The following NKAIN2 variants were observed in gnomAD, a reference collection of about 807,000 sequenced individuals.
NKAIN2 encodes sodium/potassium-transporting ATPase subunit beta-1-interacting protein 2.
A neutral mutation model predicts 32.6 loss-of-function variants in NKAIN2; 14 were observed. The ratio of observed to expected loss-of-function variants is 0.43; its 90% CI spans 0.28 to 0.67. The LOEUF (loss-of-function observed/expected upper bound fraction) is 0.67. NKAIN2 is among the 30% of genes least tolerant of loss of function. NKAIN2 has a pLI of 0.17. For missense variants in NKAIN2, 198 were observed against 258.3 expected (o/e 0.77, Z 1.60); for synonymous variants, 80 against 87.2 (o/e 0.92, Z 0.46).
intron 3 of NKAIN2, among the ~76,000 whole-genome samples, chr6:124,464,122 G>A (rs891504304): frequency 6.6e-6 from 1 of 152,014 alleles, no homozygotes; most frequent in African/African-American, 2.4e-5. Context: ...TGAGTAGCTG[G>A]AATTACAGGC....
intron 1 of NKAIN2, among the ~76,000 whole-genome samples, chr6:124,103,435 TAG>T (rs1784980754): frequency 6.6e-6 from 1 of 152,196 alleles, no homozygotes; most frequent in Non-Finnish European, 1.5e-5. Flanking sequence ...CTGCATCTTC[TAG>T]AGTCTGTTAC....
chr6:124,812,785 G>C (rs549833323), intron 5 of NKAIN2, among the ~76,000 whole-genome samples: 1 of 151,778 alleles, frequency 6.6e-6, no homozygotes, highest in East Asian at 1.9e-4. Flanking sequence ...AAATTTCTGA[G>C]AATCAACTTT....
At chr6:124,402,719 C>T (rs1220271947) in intron 3 of NKAIN2, among the ~76,000 whole-genome samples, 2 of 152,288 alleles carry the variant, frequency 1.3e-5, no homozygotes, top group South Asian at 4.1e-4. Flanking sequence ...GCACATACTG[C>T]ATGTTCTCAC....
chr6:124,499,185 C>T (rs1430428207), intron 3 of NKAIN2, among the ~76,000 whole-genome samples: 1 of 152,082 alleles, frequency 6.6e-6, no homozygotes. Context: ...TTTTCTAATC[C>T]TAATCACAAA....
chr6:124,049,969 AC>A (rs775471201), intron 1 of NKAIN2, among the ~76,000 whole-genome samples: 13 of 152,180 alleles, frequency 8.5e-5, no homozygotes, highest in Non-Finnish European at 1.3e-4. Context: ...GTTAAAAAAA[AC>A]ATATGCCGAG....
At chr6:124,386,322 G>C (rs1772898393) in intron 3 of NKAIN2, among the ~76,000 whole-genome samples, 1 of 152,040 alleles carries the variant, frequency 6.6e-6, no homozygotes, top group East Asian at 1.9e-4. Flanking sequence ...TAGCTTTCCA[G>C]AAGGCAAAAA....
chr6:124,723,230 T>C (rs1401260886), intron 4 of NKAIN2, among the ~76,000 whole-genome samples: 1 of 152,230 alleles, frequency 6.6e-6, no homozygotes, highest in African/African-American at 2.4e-5. Context: ...AACTAGCAAC[T>C]TGTTACCTCT....
chr6:124,225,884 G>T (rs899261518), intron 1 of NKAIN2, among the ~76,000 whole-genome samples: 1 of 151,920 alleles, frequency 6.6e-6, no homozygotes, highest in African/African-American at 2.4e-5. Context: ...AGTGGCATGA[G>T]GTATATAGTA....
intron 1 of NKAIN2, among the ~76,000 whole-genome samples, chr6:124,012,556 G>A (rs187183562): frequency 8.6e-5 from 13 of 152,028 alleles, no homozygotes; most frequent in African/African-American, 2.7e-4. Context: ...GACTGGTCTC[G>A]AACTCCTGAC....
chr6:124,261,082 A>G (rs1251206897), intron 1 of NKAIN2, among the ~76,000 whole-genome samples: 2 of 152,194 alleles, frequency 1.3e-5, no homozygotes, highest in Admixed American at 6.5e-5. Context: ...ACATTTATAG[A>G]GATGGAAAAA....
At chr6:124,444,815 T>A (rs1775824497) in intron 3 of NKAIN2, among the ~76,000 whole-genome samples, 1 of 151,938 alleles carries the variant, frequency 6.6e-6, no homozygotes, top group Non-Finnish European at 1.5e-5. Context: ...TTCAAGGAGC[T>A]TTTTTGAAAT....
chr6:124,808,160 AG>A (rs557424222), intron 5 of NKAIN2, among the ~76,000 whole-genome samples: 85 of 152,178 alleles, frequency 5.6e-4, no homozygotes, highest in African/African-American at 2.0e-3. Flanking sequence ...CTGATACCAA[AG>A]CCAGGCAGAG....
intron 1 of NKAIN2, among the ~76,000 whole-genome samples, chr6:123,885,998 TA>T (rs1255205864): frequency 1.3e-5 from 2 of 148,456 alleles, no homozygotes; most frequent in East Asian, 1.9e-4. Flanking sequence ...AGAATACAAT[TA>T]AAAAAAGAGG....
chr6:124,730,158 C>G (rs1249253988), intron 4 of NKAIN2, among the ~76,000 whole-genome samples: 2 of 91,248 alleles, frequency 2.2e-5, no homozygotes, highest in African/African-American at 8.6e-5. Context: ...AGATTCAATG[C>G]CATCCCCATC....
intron 1 of NKAIN2, among the ~76,000 whole-genome samples, chr6:124,238,003 G>A (rs893898901): frequency 6.6e-6 from 1 of 152,068 alleles, no homozygotes; most frequent in African/African-American, 2.4e-5. Context: ...GAACTAACAC[G>A]ATGCAGAGAC....
At chr6:124,368,129 C>A (rs1337194842) in intron 3 of NKAIN2, among the ~76,000 whole-genome samples, 1 of 152,016 alleles carries the variant, frequency 6.6e-6, no homozygotes, top group Non-Finnish European at 1.5e-5. Flanking sequence ...AAAATGTATC[C>A]AGACATCCTC....
At chr6:124,560,395 C>T (rs1482854229) in intron 3 of NKAIN2, among the ~76,000 whole-genome samples, 1 of 152,168 alleles carries the variant, frequency 6.6e-6, no homozygotes, top group Non-Finnish European at 1.5e-5. Context: ...AACTGTGAGT[C>T]AATTAAAACT....
At chr6:124,683,363 T>A (rs1653737767) in intron 4 of NKAIN2, among the ~76,000 whole-genome samples, 1 of 152,098 alleles carries the variant, frequency 6.6e-6, no homozygotes, top group Non-Finnish European at 1.5e-5. Context: ...TTGTCAAACG[T>A]CTACGTTTAT....
intron 4 of NKAIN2, among the ~76,000 whole-genome samples, chr6:124,763,250 G>A (rs889692379): frequency 6.6e-6 from 1 of 152,220 alleles, no homozygotes; most frequent in African/African-American, 2.4e-5. Context: ...TATAATATTA[G>A]TTCTTGCACT....
Sources: gnomAD v4.1 joint callset for allele counts (sites outside exome capture counted in the v4.1 genomes callset) on GRCh38, gnomAD v4.1.1 for gene constraint, MANE v1.5 for transcripts, NCBI Gene and HGNC (gene_info 2026-07-23, HGNC 2026-07-21) for gene names.